Variants in RANBP2 observed in about 807,000 individuals in gnomAD.
RANBP2 encodes E3 SUMO-protein ligase RanBP2.
A neutral mutation model predicts 303.6 loss-of-function variants in RANBP2; 57 were observed. That is an observed-to-expected ratio of 0.19 (90% CI 0.15 to 0.23). The LOEUF is 0.23. Among genes scored for constraint, RANBP2 ranks in the 10% least tolerant of loss-of-function variants. The pLI is 1.00. For missense variants in RANBP2, 3,138 were observed against 3,780.8 expected (o/e 0.83, Z 4.46); for synonymous variants, 1,167 against 1,301.5 (o/e 0.90, Z 2.23).
the RANBP2 span, chr2:109,251,463 C>G: frequency 1.4e-6 from 1 of 731,194 alleles, no homozygotes; most frequent in East Asian, 2.7e-5. Context: ...AATCTATGGA[C>G]AAGAAGTTGT....
At chr2:108,773,754 C>T (rs1376689928) in intron 23 of RANBP2, among the ~76,000 whole-genome samples, 5 of 151,800 alleles carry the variant, frequency 3.3e-5, no homozygotes, top group African/African-American at 1.2e-4. Flanking sequence ...TCAAGTGATT[C>T]TCCTGCCTCA....
the RANBP2 span, among the ~76,000 whole-genome samples, chr2:109,729,501 G>C: frequency 1.3e-5 from 2 of 152,136 alleles, no homozygotes; most frequent in Middle Eastern, 3.4e-3. Context: ...ACAAAAATTA[G>C]CTGGGTGTGG....
At chr2:109,446,091 T>A in the RANBP2 span, among the ~76,000 whole-genome samples, 11 of 152,092 alleles carry the variant, frequency 7.2e-5, no homozygotes, top group Non-Finnish European at 1.6e-4. Flanking sequence ...TAACGAGTAG[T>A]CCCAGCCAGC....
the RANBP2 span, among the ~76,000 whole-genome samples, chr2:109,146,799 A>G: frequency 2.5e-5 from 1 of 39,936 alleles, no homozygotes; most frequent in African/African-American, 1.0e-4. Context: ...TGCCCCCCCC[A>G]TTCCTTCTGT....
chr2:108,814,060 C>T, the RANBP2 span, among the ~76,000 whole-genome samples: 1 of 152,080 alleles, frequency 6.6e-6, no homozygotes, highest in Non-Finnish European at 1.5e-5. Context: ...TATTGGTGTA[C>T]AGAGTTTTTA....
chr2:109,148,723 G>A, the RANBP2 span, among the ~76,000 whole-genome samples: 5 of 152,246 alleles, frequency 3.3e-5, no homozygotes, highest in Non-Finnish European at 5.9e-5. Flanking sequence ...GTAATGTGTA[G>A]TGAATTGAGT....
At position 108,753,410 on chromosome 2, in the gene RANBP2, T is replaced by C. The variant is rs747925618; in HGVS notation, c.1918-16T>C. The C allele has an allele frequency of 6.2e-7, 1 of 1,611,654 alleles. No individual in the cohort carries two copies. The highest frequency in any genetic ancestry group is 8.5e-7 in the Non-Finnish European group (1 of 1,179,690). On this transcript the variant is annotated splice_polypyrimidine_tract_variant and intron_variant, in intron 13 of 28. Transcript: ENST00000283195. ...GAGTATAAACAATTTGACTAAAAAC[T>C]ATTCTGTGTGTTTAGGCATCAGAAA...
At chr2:109,698,356 C>T in the RANBP2 span, among the ~76,000 whole-genome samples, 2 of 151,768 alleles carry the variant, frequency 1.3e-5, no homozygotes, top group Non-Finnish European at 2.9e-5. Context: ...GTCCCAGCTA[C>T]TCAGGAGGCT....
At chr2:108,911,612 A>C in the RANBP2 span, among the ~76,000 whole-genome samples, 1 of 152,198 alleles carries the variant, frequency 6.6e-6, no homozygotes, top group African/African-American at 2.4e-5. Context: ...TCCACCAGGC[A>C]GTCCCTCAGT....
the RANBP2 span, among the ~76,000 whole-genome samples, chr2:109,383,929 T>G: frequency 0.07 from 10,719 of 152,178 alleles, 948 homozygotes; most frequent in African/African-American, 0.21. Context: ...GTCTGTTAGG[T>G]AGAAGGTTCT....
the RANBP2 span, among the ~76,000 whole-genome samples, chr2:108,818,847 A>C: frequency 9.2e-5 from 14 of 151,916 alleles, no homozygotes; most frequent in Non-Finnish European, 2.1e-4. Flanking sequence ...ATTTGATCAC[A>C]GTTATAATTT....
chr2:108,938,303 C>A, the RANBP2 span, among the ~76,000 whole-genome samples: 3 of 152,192 alleles, frequency 2.0e-5, no homozygotes, highest in African/African-American at 7.2e-5. Context: ...TTCTGAACAC[C>A]AACATGGTTA....
chr2:109,504,518 A>G, the RANBP2 span: 2 of 152,200 alleles, frequency 1.3e-5, no homozygotes, highest in African/African-American at 2.4e-5. Flanking sequence ...CACACACCCT[A>G]TCCCAAGTGT....
the RANBP2 span, among the ~76,000 whole-genome samples, chr2:109,686,467 A>G: frequency 3.3e-5 from 5 of 152,094 alleles, no homozygotes; most frequent in Non-Finnish European, 7.4e-5. Context: ...GGCGCCCGCC[A>G]CCATGCCAGG....
In RANBP2 at chr2:108,772,511, C is replaced by T. The variant is rs747298903; in HGVS notation, c.8043C>T (p.Val2681=). 4 of 1,613,404 alleles carry T rather than the reference C, an allele frequency of 2.5e-6. No homozygotes were observed. In the Admixed American group the frequency reaches 5.0e-5, roughly 20 times the overall value. The change falls in exon 22 of 29, where the codon GTC becomes GTT. Residue 2681 remains valine (V), a synonymous_variant. Transcript: ENST00000283195. ...EEDDEDFETA[V]KKLNGKLYLD... The stretch of plus-strand genomic sequence containing the variant: ...AAGATGAAGATTTCGAAACAGCTGT[C>T]AAGAAACTTAATGGAAAACTATATT...
chr2:109,608,748 A>C, the RANBP2 span, among the ~76,000 whole-genome samples: 1 of 152,212 alleles, frequency 6.6e-6, no homozygotes, highest in Non-Finnish European at 1.5e-5. Context: ...CAAAATCCTT[A>C]AATCAGTAGT....
the RANBP2 span, among the ~76,000 whole-genome samples, chr2:109,483,895 C>T: frequency 5.3e-5 from 8 of 152,088 alleles, no homozygotes; most frequent in African/African-American, 1.7e-4. Flanking sequence ...AGCACCTCTG[C>T]AGCCAGGGCC....
the RANBP2 span, among the ~76,000 whole-genome samples, chr2:109,438,370 C>T: frequency 1.3e-5 from 2 of 152,170 alleles, no homozygotes; most frequent in Non-Finnish European, 2.9e-5. Context: ...CAATGTCTGG[C>T]ACCATCAGTG....
At chr2:109,579,859 G>T in the RANBP2 span, among the ~76,000 whole-genome samples, 3 of 151,756 alleles carry the variant, frequency 2.0e-5, no homozygotes, top group African/African-American at 7.3e-5. Context: ...AGTGGCTCAT[G>T]CCTGTAATCC....
Sources: allele counts gnomAD v4.1 joint callset (sites outside exome capture counted in the v4.1 genomes callset), GRCh38; gene constraint gnomAD v4.1.1; transcripts MANE v1.5; gene names NCBI Gene and HGNC (gene_info 2026-07-23, HGNC 2026-07-21).